DNAH1: variants seen among roughly 807,000 people sequenced by gnomAD.
DNAH1 encodes axonemal beta dynein heavy chain 1.
Under a neutral mutation model 484.3 loss-of-function variants are expected in DNAH1, and 327 were observed. The ratio of observed to expected loss-of-function variants is 0.68; its 90% CI spans 0.62 to 0.74. DNAH1 has a LOEUF of 0.74. Ranked by LOEUF, DNAH1 falls within the 30% of genes least tolerant of loss-of-function variation. The pLI is 0.00. For missense variants in DNAH1, 5,052 were observed against 5,546.8 expected (o/e 0.91, Z 2.83); for synonymous variants, 2,192 against 2,191.9 (o/e 1.00, Z 0.00).
intron 44 of DNAH1, 131 bp from the exon 45 acceptor site, chr3:52,375,109 T>C: frequency 9.3e-7 from 1 of 1,071,256 alleles, no homozygotes; most frequent in East Asian, 2.6e-5. Context: ...TCCTGTGTAA[T>C]ATTGATGTAT....
At chr3:52,328,107 C>T (rs942715224) in intron 6 of DNAH1, 93 bp downstream of exon 6, 36 of 1,523,544 alleles carry the variant, frequency 2.4e-5, no homozygotes, top group South Asian at 8.5e-5. Context: ...TGGCAGCCAC[C>T]GGAGGCGAGG....
At chr3:52,348,099 C>T (rs2153223864) in intron 12 of DNAH1, 125 bp downstream of exon 12, 1 of 991,388 alleles carries the variant, frequency 1.0e-6, no homozygotes, top group East Asian at 2.6e-5. Flanking sequence ...GCAGCATGCT[C>T]AGCCCTGTAA....
At position 52,397,867 on chromosome 3, in the gene DNAH1, G is replaced by A; in HGVS notation, c.11948G>A (p.Gly3983Asp). 1 of 1,603,138 alleles carries A rather than the reference G, an allele frequency of 6.2e-7. No homozygotes were observed. The highest frequency in any genetic ancestry group is 1.1e-5 in the South Asian group (1 of 88,970). ...AAATCATCTTCTGCAGGCAGCCAGG[G>A]CCGGGAGGAGGTGGGTGGTGTCAGA... ...QPKSSSAGSQ[G>D]REEIVEDVTQ... Residue 3983 changes from glycine (G) to aspartate (D), a missense_variant, in exon 74 of 78, where the codon GGC becomes GAC. Coordinates refer to ENST00000420323, the MANE Select transcript of DNAH1 (RefSeq NM_015512.5).
chr3:52,312,193 C>T (rs553010379), upstream of DNAH1, among the ~76,000 whole-genome samples: 9 of 152,340 alleles, frequency 5.9e-5, no homozygotes, highest in Admixed American at 3.9e-4. Flanking sequence ...TGCTCCAGGA[C>T]CTCAGTCTGC....
chr3:52,373,008 C>T lies in DNAH1; in HGVS notation c.6940C>T (p.Arg2314Cys), dbSNP rs776689300. The change falls in exon 44 of 78, where the codon CGC (arginine) becomes TGC (cysteine). Residue 2314 changes from arginine to cysteine, a missense_variant. Around this residue, in one of 4 missense-constraint regions of DNAH1, gnomAD observed 2,929 missense variants for 3,409.4 expected, o/e 0.86. Coordinates refer to ENST00000420323, the MANE Select transcript of DNAH1 (RefSeq NM_015512.5). ...TGCACAGCCACCCATCGAGCTGTTG[C>T]GCCAGTGGATGGACCACGGCGGCTG... Reference protein sequence around the residue: ...YGAQPPIELLRQWMDHGGWYD... With the variant: ...YGAQPPIELLCQWMDHGGWYD... The T allele has an allele frequency of 6.2e-6, 10 of 1,613,426 alleles. No individual in the cohort carries two copies. Among genetic ancestry groups the T allele is most frequent in the South Asian group, 3.3e-5 (3 of 91,086 alleles).
At chr3:52,347,799 A>C in intron 11 of DNAH1, 25 bp from the exon 12 acceptor site, 1 of 1,551,850 alleles carries the variant, frequency 6.4e-7, no homozygotes, top group Non-Finnish European at 8.7e-7. Flanking sequence ...GCCTCTGCCC[A>C]CAGTCAGCTC....
chr3:52,332,454 T>C (rs1255935471), intron 8 of DNAH1, 60 bp downstream of exon 8: 17 of 1,581,670 alleles, frequency 1.1e-5, no homozygotes, highest in Non-Finnish European at 1.4e-5. Flanking sequence ...AACCTTCCCA[T>C]AGGAAGTTGG....
chr3:52,374,836 G>A (rs1451173127), intron 44 of DNAH1: 9 of 1,100,610 alleles, frequency 8.2e-6, no homozygotes, highest in South Asian at 3.8e-5. Context: ...ATGGAAGTAC[G>A]AGAAGAAGCA....
chr3:52,374,182 T>C (rs1240988072), intron 44 of DNAH1: 1 of 1,295,268 alleles, frequency 7.7e-7, no homozygotes, highest in African/African-American at 1.5e-5. Flanking sequence ...ATAATATATT[T>C]TATAGGTTTA....
chr3:52,367,075 C>T lies in DNAH1; in HGVS notation c.5765+188C>T, dbSNP rs186070065. Among the ~76,000 whole-genome samples, 44 of 152,332 alleles carry T rather than the reference C, an allele frequency of 2.9e-4. 3 individuals carry two copies. Among genetic ancestry groups the T allele is most frequent in the Admixed American group, 2.4e-3 (37 of 15,296 alleles). ...CTCACCCCCCAGGCCATGGTTCCCT[C>T]GTCTGCAAAGCGGGGACAATAATGG... On this transcript the variant is annotated intron_variant, in intron 36 of 77. Coordinates refer to ENST00000420323, the MANE Select transcript of DNAH1 (RefSeq NM_015512.5).
At chr3:52,337,999 G>A (rs1405269775) in intron 8 of DNAH1, among the ~76,000 whole-genome samples, 1 of 151,912 alleles carries the variant, frequency 6.6e-6, no homozygotes, top group Non-Finnish European at 1.5e-5. Flanking sequence ...TCCCTATGTT[G>A]CCCAGCCTGG....
rs553311445 is a variant in DNAH1 at position 52,368,589 on chromosome 3, A to T, written c.5766-152A>T. ...CATTACACCATGTGACACCAAAAAA[A>T]TCCCACTTTTCCTATTATAATTTTT... On this transcript the variant is annotated intron_variant, in intron 36 of 77. Coordinates refer to ENST00000420323, the MANE Select transcript of DNAH1 (RefSeq NM_015512.5). This position sits in a 1 kb window ranked among gnomAD's most constrained non-coding sequence, Gnocchi z 4.4. Among the ~76,000 whole-genome samples the T allele has an allele frequency of 1.3e-5, 2 of 152,322 alleles. No individual in the cohort carries two copies. Among genetic ancestry groups the T allele is most frequent in the African/African-American group, 4.8e-5 (2 of 41,570 alleles).
chr3:52,363,566 C>G (rs188342747), intron 32 of DNAH1, among the ~76,000 whole-genome samples: 1 of 152,318 alleles, frequency 6.6e-6, no homozygotes, highest in Admixed American at 6.5e-5. Context: ...CTTGCTGAGC[C>G]CAGATTCCAA....
At chr3:52,347,277 G>A (rs967092755) in intron 11 of DNAH1, among the ~76,000 whole-genome samples, 1 of 152,120 alleles carries the variant, frequency 6.6e-6, no homozygotes, top group African/African-American at 2.4e-5. Flanking sequence ...CCGAGGGGAG[G>A]ATAGGCCTGG....
intron 7 of DNAH1, among the ~76,000 whole-genome samples, chr3:52,331,763 T>G (rs1351386717): frequency 6.6e-6 from 1 of 151,996 alleles, no homozygotes; most frequent in Non-Finnish European, 1.5e-5. Context: ...TAACTGGGAT[T>G]ACAGGTGCCC....
chr3:52,369,697 CCCTGCCCCACAG>C (rs1703239870), intron 37 of DNAH1, 116 bp from the exon 38 acceptor site: 1 of 1,012,026 alleles, frequency 9.9e-7, no homozygotes, highest in African/African-American at 1.6e-5. Flanking sequence ...CCAGCACTGC[CCCTGCCCCACAG>C]CCTGCCCACA....
chr3:52,348,779 C>T, intron 12 of DNAH1, 109 bp from the exon 13 acceptor site: 1 of 1,230,188 alleles, frequency 8.1e-7, no homozygotes, highest in South Asian at 1.4e-5. Context: ...CTTCAGGCCA[C>T]ATCCTGCCCC....
chr3:52,359,516 C>A, intron 26 of DNAH1, 130 bp downstream of exon 26: 1 of 1,292,576 alleles, frequency 7.7e-7, no homozygotes, highest in Non-Finnish European at 1.1e-6. Flanking sequence ...AAGGGGAGGT[C>A]AGACACCCTT....
chr3:52,366,786 C>T lies in DNAH1; in HGVS notation c.5664C>T (p.Ile1888=), dbSNP rs367697360. 1.9e-6 allele frequency: 3 copies of T among 1,613,794 alleles called. No individual in the cohort carries two copies. The highest frequency in any genetic ancestry group is 8.5e-7 in the Non-Finnish European group (1 of 1,179,836). Residue 1888 remains isoleucine (I), a synonymous_variant, in exon 36 of 78, where the codon ATC becomes ATT. Coordinates refer to ENST00000420323, the MANE Select transcript of DNAH1 (RefSeq NM_015512.5). ...CGTCACTGAAAGGGCAGCCATCCAT[C>T]AGTGGTGGCATGTACGAGGCTGTCA... ...AMTSLKGQPS[I]SGGMYEAVNY... is the part of the protein sequence containing the mutation.
Sources: allele counts gnomAD v4.1 joint callset (sites outside exome capture counted in the v4.1 genomes callset), GRCh38; gene constraint gnomAD v4.1.1; regional missense constraint gnomAD v4.1.1; non-coding constraint Gnocchi (gnomAD v3.1); transcripts MANE v1.5; gene names NCBI Gene and HGNC (gene_info 2026-07-23, HGNC 2026-07-21).